LRMDA: variants seen among roughly 807,000 people sequenced by gnomAD.
The protein encoded by LRMDA is leucine rich melanocyte differentiation associated, also known as leucine-rich melanocyte differentiation-associated protein.
A neutral mutation model predicts 29.8 loss-of-function variants in LRMDA; 18 were observed. The observed-to-expected ratio is 0.60, with a 90% confidence interval of 0.42 to 0.90. LRMDA has a LOEUF of 0.90. Ranked by LOEUF, LRMDA falls within the 40% of genes least tolerant of loss-of-function variation. The pLI is 0.00. For synonymous variants in LRMDA, 125 were observed against 109.4 expected (o/e 1.14, Z -0.89); for missense variants, 273 against 273.9 (o/e 1.00, Z 0.02).
At chr10:75,644,726 A>G (rs1841494628) in intron 2 of LRMDA, among the ~76,000 whole-genome samples, 1 of 152,030 alleles carries the variant, frequency 6.6e-6, no homozygotes, top group South Asian at 2.1e-4. Context: ...TCTTCTATCC[A>G]CTGCATGCCG....
intron 2 of LRMDA, among the ~76,000 whole-genome samples, chr10:75,446,656 C>T (rs942242079): frequency 6.6e-6 from 1 of 152,204 alleles, no homozygotes; most frequent in African/African-American, 2.4e-5. Context: ...AGAAATACAT[C>T]TGTGTTATAA....
chr10:76,371,412 T>C (rs1024974027), intron 6 of LRMDA, among the ~76,000 whole-genome samples: 1 of 152,112 alleles, frequency 6.6e-6, no homozygotes, highest in Non-Finnish European at 1.5e-5. Context: ...TCAAACACAC[T>C]TTATTTTTTT....
At chr10:75,590,748 T>TAGA (rs1840713379) in intron 2 of LRMDA, among the ~76,000 whole-genome samples, 2 of 31,988 alleles carry the variant, frequency 6.3e-5, no homozygotes, top group Non-Finnish European at 1.8e-4. Flanking sequence ...TTTTTTTTTT[T>TAGA]TTTTTTTTTT....
intron 2 of LRMDA, among the ~76,000 whole-genome samples, chr10:75,495,035 T>C (rs1845028402): frequency 6.6e-6 from 1 of 152,222 alleles, no homozygotes; most frequent in South Asian, 2.1e-4. Flanking sequence ...AGAAATCTTA[T>C]GTAGCCGTCC....
chr10:75,974,726 T>G (rs1847039916), intron 2 of LRMDA, among the ~76,000 whole-genome samples: 1 of 152,148 alleles, frequency 6.6e-6, no homozygotes, highest in Non-Finnish European at 1.5e-5. Context: ...GAACAGAGAT[T>G]CAAAAGGAAG....
At chr10:76,548,607 T>C (rs1382572221) in intron 6 of LRMDA, among the ~76,000 whole-genome samples, 2 of 152,140 alleles carry the variant, frequency 1.3e-5, no homozygotes, top group African/African-American at 4.8e-5. Context: ...AATACATTTC[T>C]GTTTGATTGA....
intron 5 of LRMDA, among the ~76,000 whole-genome samples, chr10:76,186,386 C>G (rs975593499): frequency 1.3e-5 from 2 of 152,186 alleles, no homozygotes; most frequent in Non-Finnish European, 2.9e-5. Context: ...AAGGACTGTG[C>G]AAGTAACATG....
chr10:76,183,265 C>G (rs544983195), intron 5 of LRMDA, among the ~76,000 whole-genome samples: 1 of 152,200 alleles, frequency 6.6e-6, no homozygotes, highest in African/African-American at 2.4e-5. Flanking sequence ...ACAAAGGCCA[C>G]AGCAGGCTGG....
At chr10:76,240,170 A>C (rs1852244518) in intron 5 of LRMDA, among the ~76,000 whole-genome samples, 1 of 151,096 alleles carries the variant, frequency 6.6e-6, no homozygotes, top group Admixed American at 6.6e-5. Context: ...AATGCAAATC[A>C]AAATCGCATA....
intron 6 of LRMDA, among the ~76,000 whole-genome samples, chr10:76,430,318 C>T (rs758254574): frequency 1.3e-5 from 2 of 152,104 alleles, no homozygotes; most frequent in Admixed American, 6.5e-5. Flanking sequence ...GGAGCCCCTT[C>T]CAGAGGAGTT....
chr10:75,794,911 C>A (rs1490954518), intron 2 of LRMDA, among the ~76,000 whole-genome samples: 2 of 151,154 alleles, frequency 1.3e-5, no homozygotes, highest in Non-Finnish European at 2.9e-5. Flanking sequence ...TTTTGATAAG[C>A]AGAAGGTTTT....
chr10:75,620,276 T>G (rs1322266852), intron 2 of LRMDA, among the ~76,000 whole-genome samples: 2 of 152,194 alleles, frequency 1.3e-5, no homozygotes, highest in African/African-American at 2.4e-5. Context: ...GGAATAAAAG[T>G]TGTACAATTC....
Position 76,543,907 on chromosome 10 carries a change from C to A in LRMDA, c.602-13302C>A, listed in dbSNP as rs113395504. On this transcript the variant is annotated intron_variant, in intron 6 of 6. Coordinates refer to ENST00000611255, the MANE Select transcript of LRMDA (RefSeq NM_001305581.2). ...ACATCAGCTTCCTGGAGTCCTGAGCCCCCCCCAGGAGAGGTCATGTGGGCT... is the reference window on the plus strand; with the variant it reads ...ACATCAGCTTCCTGGAGTCCTGAGCACCCCCCAGGAGAGGTCATGTGGGCT... Among the ~76,000 whole-genome samples the A allele has an allele frequency of 2.1e-4, 32 of 152,126 alleles. No homozygotes were observed. The South Asian group carries it at 2.7e-3, about 13-fold the overall frequency.
intron 2 of LRMDA, among the ~76,000 whole-genome samples, chr10:75,952,324 A>T (rs1846591033): frequency 6.6e-6 from 1 of 152,266 alleles, no homozygotes; most frequent in African/African-American, 2.4e-5. Flanking sequence ...CAACACAACC[A>T]TTTAATTTGT....
intron 5 of LRMDA, among the ~76,000 whole-genome samples, chr10:76,220,121 T>C (rs1355162075): frequency 6.6e-6 from 1 of 152,192 alleles, no homozygotes; most frequent in African/African-American, 2.4e-5. Context: ...CAAAGCAGTG[T>C]GTACAGGGAA....
chr10:75,756,145 A>T (rs1843029586), intron 2 of LRMDA, among the ~76,000 whole-genome samples: 3 of 152,176 alleles, frequency 2.0e-5, no homozygotes, highest in Admixed American at 6.5e-5. Flanking sequence ...TACCATATCC[A>T]TTCTCTTCAA....
At chr10:75,813,669 T>A (rs1844004679) in intron 2 of LRMDA, among the ~76,000 whole-genome samples, 1 of 152,146 alleles carries the variant, frequency 6.6e-6, no homozygotes. Flanking sequence ...ACAATATATG[T>A]TTTGTTTAGG....
intron 5 of LRMDA, among the ~76,000 whole-genome samples, chr10:76,245,608 C>T (rs762845523): frequency 2.6e-5 from 4 of 152,148 alleles, no homozygotes; most frequent in Non-Finnish European, 5.9e-5. Context: ...ATCACTTTAC[C>T]CACATTTTAT....
chr10:75,865,603 G>T (rs1242039189), intron 2 of LRMDA, among the ~76,000 whole-genome samples: 2 of 152,160 alleles, frequency 1.3e-5, no homozygotes, highest in Admixed American at 1.3e-4. Flanking sequence ...ATCACTGGAG[G>T]TTTAGAAAAA....
Sources: gnomAD v4.1 joint callset for allele counts (sites outside exome capture counted in the v4.1 genomes callset) on GRCh38, gnomAD v4.1.1 for gene constraint, MANE v1.5 for transcripts, NCBI Gene and HGNC (gene_info 2026-07-23, HGNC 2026-07-21) for gene names.